ZNF197: variants seen among roughly 807,000 people sequenced by gnomAD.
ZNF197 encodes the protein zinc finger protein 197.
ZNF197 carries 14 observed loss-of-function variants against 27.4 expected under a neutral mutation model. The ratio of observed to expected loss-of-function variants is 0.51; its 90% CI spans 0.34 to 0.80. The LOEUF (loss-of-function observed/expected upper bound fraction) is 0.80, where lower values mean the gene tolerates loss of function less well. ZNF197 is among the 30% of genes least tolerant of loss of function. The pLI is 0.02. For missense variants in ZNF197, 1,090 were observed against 1,222.6 expected, an observed-to-expected ratio of 0.89 and a Z score of 1.62; for synonymous variants, 415 against 420.0, an observed-to-expected ratio of 0.99 and a Z score of 0.15.
At chr3:44,632,744 G>C in intron 5 of ZNF197, 145 bp downstream of exon 5, 1 of 990,940 alleles carries the variant, frequency 1.0e-6, no homozygotes. Context: ...GCTATTTCCA[G>C]ATAACTATTA....
At position 44,644,744 on chromosome 3, in the gene ZNF197, G is replaced by A; in HGVS notation, c.*524G>A. On this transcript the variant is annotated 3_prime_UTR_variant, in exon 6 of 6. Transcript: ENST00000344387. ...ACAATAAAAAGTAGACATGGGCTGG[G>A]TGCAGTGGCTCACTCCTGTAGTCCC... is the stretch of plus-strand genomic sequence containing the variant. The A allele has an allele frequency of 1.0e-6, 1 of 985,784 alleles. No individual in the cohort carries two copies. The highest frequency in any genetic ancestry group is 1.2e-6 in the Non-Finnish European group (1 of 830,240). The allele number at this position is 985,784 out of a possible 1,614,324, so 61.1% of individuals were successfully genotyped here.
chr3:44,634,157 G>A (rs921685923), intron 5 of ZNF197, among the ~76,000 whole-genome samples: 5 of 152,144 alleles, frequency 3.3e-5, no homozygotes, highest in African/African-American at 1.2e-4. Flanking sequence ...TCTTTGCTAG[G>A]TAGATGAAGA....
At chr3:44,626,839 A>T (rs1701697032) in intron 1 of ZNF197, among the ~76,000 whole-genome samples, 1 of 152,224 alleles carries the variant, frequency 6.6e-6, no homozygotes, top group Admixed American at 6.5e-5. Context: ...AATTTTTCTT[A>T]TATATGCCTA....
chr3:44,638,540 T>C (rs759161729), intron 5 of ZNF197, among the ~76,000 whole-genome samples: 25 of 152,338 alleles, frequency 1.6e-4, no homozygotes, highest in South Asian at 6.2e-4. Context: ...TTTTACTTCT[T>C]CCTTTACAAT....
chr3:44,627,116 C>T (rs1701713176), intron 1 of ZNF197, among the ~76,000 whole-genome samples: 1 of 152,058 alleles, frequency 6.6e-6, no homozygotes, highest in South Asian at 2.1e-4. Context: ...TATATGTACA[C>T]ACATATGCAG....
chr3:44,644,514 G>T lies in ZNF197; in HGVS notation c.*294G>T, dbSNP rs9865272. ...TTATCCGGGCATGGGGGCACACACC[G>T]GTAATCCCAGCTACTCAGGAGGCTG... On this transcript the variant is annotated 3_prime_UTR_variant, in exon 6 of 6. Transcript: ENST00000344387. 237,273 of 799,996 alleles carry T rather than the reference G, an allele frequency of 0.3. 37,082 individuals carry two copies. The highest frequency in any genetic ancestry group is 0.34 in the African/African-American group (18,409 of 53,628). The allele number at this position is 799,996 out of a possible 1,614,324, so 49.6% of individuals were successfully genotyped here.
chr3:44,639,999 A>G (rs866485173), intron 5 of ZNF197, among the ~76,000 whole-genome samples: 24 of 152,286 alleles, frequency 1.6e-4, no homozygotes, highest in Middle Eastern at 3.4e-3. Context: ...TACCTATCGG[A>G]AAGATCATTG....
intron 5 of ZNF197, among the ~76,000 whole-genome samples, chr3:44,637,465 A>G (rs945937494): frequency 6.6e-6 from 1 of 151,990 alleles, no homozygotes; most frequent in Non-Finnish European, 1.5e-5. Context: ...TGAAGGACAA[A>G]AGTCATTAAT....
chr3:44,644,876 A>G lies in ZNF197; in HGVS notation c.*656A>G. ...TTTAGTAAATAAAAATAAATTTATT[A>G]ATAAAACTAAAAATTTAATAATAAA... On this transcript the variant is annotated 3_prime_UTR_variant, in exon 6 of 6. Transcript: ENST00000344387. 2.1e-6 allele frequency: 2 copies of G among 962,582 alleles called. No individual in the cohort carries two copies. The highest frequency in any genetic ancestry group is 2.5e-6 in the Non-Finnish European group (2 of 809,138). 59.6% of individuals were successfully genotyped at this position (962,582 alleles called of 1,614,324 possible).
rs1703041195 is a variant in ZNF197 at position 44,647,723 on chromosome 3, T to C, written c.*3503T>C. Reference sequence around the variant, plus strand: ...AAGGCCATATTCTGTATGAAAATATTCATATAACATTCTCAAAATGATAAA... The same window carrying C: ...AAGGCCATATTCTGTATGAAAATATCCATATAACATTCTCAAAATGATAAA... On this transcript the variant is annotated 3_prime_UTR_variant, in exon 6 of 6. Coordinates refer to ENST00000344387, the MANE Select transcript of ZNF197 (RefSeq NM_006991.5). 1 of 152,232 alleles carries C rather than the reference T, an allele frequency of 6.6e-6. No homozygotes were observed. Among genetic ancestry groups the C allele is most frequent in the South Asian group, 2.1e-4 (1 of 4,832 alleles). The allele number at this position is 152,232 out of a possible 1,614,324, so 9.4% of individuals were successfully genotyped here.
In ZNF197 at chr3:44,644,650, A is replaced by G; in HGVS notation, c.*430A>G. 1.0e-6 allele frequency: 1 copy of G among 987,438 alleles called. No homozygotes were observed. Among genetic ancestry groups the G allele is most frequent in the Non-Finnish European group, 1.2e-6 (1 of 831,390 alleles). The allele number at this position is 987,438 out of a possible 1,614,324, so 61.2% of individuals were successfully genotyped here. A position where few individuals can be genotyped will look rare whatever the true frequency, so the allele number is the denominator to read the frequency against. ...GCGAAACTCTTGTCTGAAAAAATAA[A>G]GTTCATCCCAACTTTCAAGTCTACA... On this transcript the variant is annotated 3_prime_UTR_variant, in exon 6 of 6. Coordinates refer to ENST00000344387, the MANE Select transcript of ZNF197 (RefSeq NM_006991.5).
Position 44,643,595 on chromosome 3 carries a change from A to T in ZNF197, c.2465A>T (p.Asp822Val), listed in dbSNP as rs577553523. Residue 822 changes from aspartate to valine, a missense_variant, in exon 6 of 6, where the codon GAC (aspartate) becomes GTC (valine). Coordinates refer to ENST00000344387, the MANE Select transcript of ZNF197 (RefSeq NM_006991.5). ...AGGGAAAAATCTTATAAATGCAATG[A>T]CTGTGGGAAGGTCTTCAGTTACCGC... The part of the protein sequence containing the change: ...HTREKSYKCN[D>V]CGKVFSYRSN... 97 of 1,614,212 alleles carry T rather than the reference A, an allele frequency of 6.0e-5. 1 individual carries two copies. In the South Asian group the frequency reaches 9.8e-4, roughly 16 times the overall value.
intron 5 of ZNF197, among the ~76,000 whole-genome samples, chr3:44,634,467 T>G (rs1424114641): frequency 2.0e-5 from 3 of 152,134 alleles, no homozygotes; most frequent in Non-Finnish European, 4.4e-5. Flanking sequence ...TTTTTTTTTT[T>G]GAGATGGAGT....
In ZNF197 at chr3:44,644,321, C is replaced by T. The variant is rs1343160836; in HGVS notation, c.*101C>T. On this transcript the variant is annotated 3_prime_UTR_variant, in exon 6 of 6. Transcript: ENST00000344387. ...GAAAAAGTTTATTATTTACTCTTTA[C>T]TAGACAAATGAGTAGCATATAGAAG... 2 of 1,461,544 alleles carry T rather than the reference C, an allele frequency of 1.4e-6. No individual in the cohort carries two copies. Among genetic ancestry groups the T allele is most frequent in the African/African-American group, 1.4e-5 (1 of 69,852 alleles). 90.5% of individuals were successfully genotyped at this position (1,461,544 alleles called of 1,614,324 possible). A position where few individuals can be genotyped will look rare whatever the true frequency, so the allele number is the denominator to read the frequency against.
chr3:44,628,180 G>T (rs1701775837), intron 1 of ZNF197, among the ~76,000 whole-genome samples: 1 of 152,194 alleles, frequency 6.6e-6, no homozygotes, highest in African/African-American at 2.4e-5. Flanking sequence ...GGGAAAGTTA[G>T]AATTTATCTA....
In ZNF197 at chr3:44,642,609, G is replaced by A. The variant is rs781577689; in HGVS notation, c.1479G>A (p.Gln493=). Residue 493 remains glutamine, a synonymous_variant, in exon 6 of 6, where the codon CAG becomes CAA. Coordinates refer to ENST00000344387, the MANE Select transcript of ZNF197 (RefSeq NM_006991.5). ...ATGAATGTGGGAAAGTCTTCTCTCA[G>A]AATGCTTACCTCATTGACCATCAGA... ...KCNECGKVFS[Q]NAYLIDHQRL... The A allele has an allele frequency of 6.2e-7, 1 of 1,614,020 alleles. No individual in the cohort carries two copies. Among genetic ancestry groups the A allele is most frequent in the Non-Finnish European group, 8.5e-7 (1 of 1,180,006 alleles).
Position 44,644,159 on chromosome 3 carries a change from T to C in ZNF197, c.3029T>C (p.Ile1010Thr), listed in dbSNP as rs1702813420. 5.6e-6 allele frequency: 9 copies of C among 1,613,054 alleles called. No individual in the cohort carries two copies. Among genetic ancestry groups the C allele is most frequent in the South Asian group, 2.2e-5 (2 of 90,760 alleles). ...CATCTTCAACAGAAAATCCATACCA[T>C]TGAGGAATTCTCTTGGCTACAAAAC... ...NLHLQQKIHT[I>T]EEFSWLQNTN... Residue 1010 changes from isoleucine (I) to threonine (T), a missense_variant, in exon 6 of 6, where the codon ATT (isoleucine) becomes ACT (threonine). Transcript: ENST00000344387.
chr3:44,635,835 G>A (rs1349920517), intron 5 of ZNF197, among the ~76,000 whole-genome samples: 1 of 152,136 alleles, frequency 6.6e-6, no homozygotes, highest in Non-Finnish European at 1.5e-5. Flanking sequence ...AATGATGGAA[G>A]GATTGGGACA....
chr3:44,644,692 C>G lies in ZNF197; in HGVS notation c.*472C>G. On this transcript the variant is annotated 3_prime_UTR_variant, in exon 6 of 6. Transcript: ENST00000344387. The stretch of plus-strand genomic sequence containing the variant: ...AAGTCTACAAAAACATAATCCAAAT[C>G]TAATAACATAGTTGTAAATGAGAGC... The G allele has an allele frequency of 1.0e-6, 1 of 986,744 alleles. No individual in the cohort carries two copies. The highest frequency in any genetic ancestry group is 1.2e-6 in the Non-Finnish European group (1 of 830,984). 61.1% of individuals were successfully genotyped at this position (986,744 alleles called of 1,614,324 possible).
Sources: gnomAD v4.1 joint callset for allele counts (sites outside exome capture counted in the v4.1 genomes callset) on GRCh38, gnomAD v4.1.1 for gene constraint, MANE v1.5 for transcripts, NCBI Gene and HGNC (gene_info 2026-07-23, HGNC 2026-07-21) for gene names.